FGD6: variants seen among roughly 807,000 people sequenced by gnomAD.
The protein encoded by FGD6 is FYVE, RhoGEF and PH domain-containing protein 6.
FGD6 carries 90 observed loss-of-function variants against 149.4 expected under a neutral mutation model. The ratio of observed to expected loss-of-function variants is 0.60; its 90% CI spans 0.51 to 0.72. The LOEUF is 0.72. Ranked by LOEUF, FGD6 falls within the 30% of genes least tolerant of loss-of-function variation. The pLI is 0.00. For synonymous variants in FGD6, 527 were observed against 584.0 expected (o/e 0.90, Z 1.41); for missense variants, 1,437 against 1,684.8 (o/e 0.85, Z 2.57).
At position 95,148,720 on chromosome 12, in the gene FGD6, T is replaced by TTA. The variant is rs1243978629; in HGVS notation, c.2685+4089_2685+4090dup. Reference sequence around the variant, plus strand: ...TATATTATATAATACATAGCATATGTTATATTACATATATTATATATTATA... The same window carrying TTA: ...TATATTATATAATACATAGCATATGTTATATATTACATATATTATATATTATA... On this transcript the variant is annotated intron_variant, in intron 5 of 20. Transcript: ENST00000343958. Among the ~76,000 whole-genome samples, 34 of 90,704 alleles carry TTA rather than the reference T, an allele frequency of 3.7e-4. 2 individuals carry two copies. The highest frequency in any genetic ancestry group is 1.6e-3 in the African/African-American group (32 of 19,980). 59.5% of individuals were successfully genotyped at this position (90,704 alleles called of 152,430 possible). A position where few individuals can be genotyped will look rare whatever the true frequency, so the allele number is the denominator to read the frequency against.
At chr12:95,204,218 G>C (rs2056680910) in intron 2 of FGD6, among the ~76,000 whole-genome samples, 1 of 152,106 alleles carries the variant, frequency 6.6e-6, no homozygotes, top group Admixed American at 6.5e-5. Flanking sequence ...TAAAGCTATG[G>C]TTTCTCCAGC....
At chr12:95,216,462 C>G (rs917109784) in intron 1 of FGD6, among the ~76,000 whole-genome samples, 6 of 152,136 alleles carry the variant, frequency 3.9e-5, no homozygotes, top group African/African-American at 1.4e-4. Context: ...CGTAACACCA[C>G]TTTGGTAATT....
rs771447344 is a variant in FGD6 at position 95,210,938 on chromosome 12, A to G, written c.346T>C (p.Cys116Arg). The change falls in exon 2 of 21, where the codon TGT (cysteine) becomes CGT (arginine). Residue 116 changes from cysteine (C) to arginine (R), a missense_variant. Around this residue, in one of 2 missense-constraint regions of FGD6, gnomAD observed 1,055 missense variants for 1,146.0 expected, o/e 0.92. Coordinates refer to ENST00000343958, the MANE Select transcript of FGD6 (RefSeq NM_018351.4). ...TCTCTATGGCCCAGCTTATGGATACACTCAGAACTGCAGGAACACATTGGT... is the reference window on the plus strand; with the variant it reads ...TCTCTATGGCCCAGCTTATGGATACGCTCAGAACTGCAGGAACACATTGGT... ...ISPMCSCSSECIHKLGHRENL... is the reference protein window; with the variant it reads ...ISPMCSCSSERIHKLGHRENL... 6.4e-5 allele frequency: 103 copies of G among 1,614,036 alleles called. No homozygotes were observed. The highest frequency in any genetic ancestry group is 8.0e-5 in the Non-Finnish European group (94 of 1,180,046).
chr12:95,136,330 C>T (rs1238069486), intron 7 of FGD6, among the ~76,000 whole-genome samples: 1 of 152,152 alleles, frequency 6.6e-6, no homozygotes. Flanking sequence ...TGCACTCCAG[C>T]CTGGGCGACA....
At chr12:95,123,477 A>G (rs116199778) in intron 8 of FGD6, among the ~76,000 whole-genome samples, 1 of 152,200 alleles carries the variant, frequency 6.6e-6, no homozygotes, top group African/African-American at 2.4e-5. Context: ...GATAGATGGT[A>G]TCTCCCCAGG....
intron 5 of FGD6, among the ~76,000 whole-genome samples, chr12:95,144,974 C>A (rs1879964570): frequency 1.3e-5 from 2 of 149,088 alleles, no homozygotes; most frequent in African/African-American, 2.5e-5. Context: ...CAGGCGTGAG[C>A]CACCGCACCC....
intron 3 of FGD6, among the ~76,000 whole-genome samples, chr12:95,172,029 A>T (rs1881003285): frequency 5.7e-5 from 1 of 17,498 alleles, no homozygotes; most frequent in African/African-American, 2.5e-4. Context: ...ACAGGGAACA[A>T]TTCTAAGGGG....
In FGD6 at chr12:95,077,885, CAT is replaced by C. The variant is rs1428344769; in HGVS notation, c.*3633_*3634del. 1.3e-5 allele frequency: 2 copies of C among 152,144 alleles called. No individual in the cohort carries two copies. Among genetic ancestry groups the C allele is most frequent in the African/African-American group, 2.4e-5 (1 of 41,416 alleles). 9.4% of individuals were successfully genotyped at this position (152,144 alleles called of 1,614,324 possible). A position where few individuals can be genotyped will look rare whatever the true frequency, so the allele number is the denominator to read the frequency against. ...GTAAAGTCTGAGATGCTTGAGGACT[CAT>C]ATAGATAGCCAATAGGTAGTTACAG... On this transcript the variant is annotated 3_prime_UTR_variant, in exon 21 of 21. Transcript: ENST00000343958.
At chr12:95,172,141 T>A (rs1881011054) in intron 3 of FGD6, among the ~76,000 whole-genome samples, 1 of 152,098 alleles carries the variant, frequency 6.6e-6, no homozygotes, top group African/African-American at 2.4e-5. Flanking sequence ...TTTGGGAGGC[T>A]GAGGCGGGTG....
At chr12:95,177,908 A>AATTAATTTATTTATTT (rs1881178705) in intron 2 of FGD6, among the ~76,000 whole-genome samples, 1 of 142,302 alleles carries the variant, frequency 7.0e-6, no homozygotes, top group African/African-American at 2.7e-5. Context: ...TTTAAACAAC[A>AATTAATTTATTTATTT]ATTTATTTAT....
intron 1 of FGD6, among the ~76,000 whole-genome samples, chr12:95,212,345 G>C (rs2056732106): frequency 6.6e-6 from 1 of 152,112 alleles, no homozygotes; most frequent in African/African-American, 2.4e-5. Flanking sequence ...ACAATTTCTA[G>C]TGTAGCAATT....
chr12:95,135,491 T>C (rs1353289317), intron 7 of FGD6, among the ~76,000 whole-genome samples: 2 of 152,222 alleles, frequency 1.3e-5, no homozygotes, highest in African/African-American at 4.8e-5. Context: ...CAAAGACATT[T>C]GGTTATCCCT....
intron 8 of FGD6, chr12:95,126,475 T>C (rs761270326): frequency 3.6e-4 from 252 of 699,120 alleles, no homozygotes; most frequent in Non-Finnish European, 5.5e-4. Context: ...ACGCCTGTAA[T>C]CCCAGTACCG....
In FGD6 at chr12:95,084,759, T is replaced by A. The variant is rs1251607278; in HGVS notation, c.4108-113A>T. ...TAATTTCAATTATTCACATATAAGGTAATGATAATTCTAACAACTTACTCA... is the reference window on the plus strand; with the variant it reads ...TAATTTCAATTATTCACATATAAGGAAATGATAATTCTAACAACTTACTCA... On this transcript the variant is annotated intron_variant, in intron 19 of 20. Transcript: ENST00000343958. 3 of 857,634 alleles carry A rather than the reference T, an allele frequency of 3.5e-6. No homozygotes were observed. The African/African-American group carries it at 5.3e-5, about 15-fold the overall frequency. The allele number at this position is 857,634 out of a possible 1,614,324, so 53.1% of individuals were successfully genotyped here.
At chr12:95,095,592 GAGAA>G (rs1354244276) in intron 14 of FGD6, among the ~76,000 whole-genome samples, 20 of 151,996 alleles carry the variant, frequency 1.3e-4, no homozygotes, top group African/African-American at 3.6e-4. Context: ...GAGGGAATGA[GAGAA>G]AGAAAGACTT....
chr12:95,116,149 TTCTCAC>T, intron 8 of FGD6, among the ~76,000 whole-genome samples: 1 of 152,336 alleles, frequency 6.6e-6, no homozygotes, highest in South Asian at 2.1e-4. Context: ...AAAATAAATA[TTCTCAC>T]TCTGACCCCA....
At chr12:95,154,102 G>GA (rs1880397216) in intron 3 of FGD6, among the ~76,000 whole-genome samples, 1 of 152,054 alleles carries the variant, frequency 6.6e-6, no homozygotes, top group Non-Finnish European at 1.5e-5. Context: ...TGGGACTACA[G>GA]GTGCGTGCCA....
intron 3 of FGD6, among the ~76,000 whole-genome samples, chr12:95,155,035 A>C (rs1215837929): frequency 6.6e-6 from 1 of 152,180 alleles, no homozygotes; most frequent in Non-Finnish European, 1.5e-5. Flanking sequence ...AAGGTAAAAA[A>C]ATAGATGCAG....
Position 95,209,043 on chromosome 12 carries a change from C to T in FGD6, c.2241G>A (p.Glu747=), listed in dbSNP as rs2056707518. 6.2e-7 allele frequency: 1 copy of T among 1,614,156 alleles called. No individual in the cohort carries two copies. The highest frequency in any genetic ancestry group is 8.5e-7 in the Non-Finnish European group (1 of 1,180,032). Residue 747 remains glutamate (E), a synonymous_variant, in exon 2 of 21, where the codon GAG becomes GAA. Transcript: ENST00000343958. ...YKSVTSLCAP[E]YENIRHYEEI... ...CCTCATAATGGCGTATATTTTCATA[C>T]TCCGGTGCACAGAGGCTTGTAACAG...
Sources: gnomAD v4.1 joint callset for allele counts (sites outside exome capture counted in the v4.1 genomes callset) on GRCh38, gnomAD v4.1.1 for gene constraint, gnomAD v4.1.1 regional missense constraint, MANE v1.5 for transcripts, NCBI Gene and HGNC (gene_info 2026-07-23, HGNC 2026-07-21) for gene names.